UGT1A9: variants seen among roughly 807,000 people sequenced by gnomAD.
UGT1A9 encodes the protein UDP glucuronosyltransferase family 1 member A9, also known as UDP-glucuronosyltransferase 1A9.
UGT1A9 carries 35 observed loss-of-function variants against 45.0 expected under a neutral mutation model. The ratio of observed to expected loss-of-function variants is 0.78; its 90% CI spans 0.59 to 1.03. The LOEUF (loss-of-function observed/expected upper bound fraction) is 1.03. Among genes scored for constraint, UGT1A9 ranks in the 50% least tolerant of loss-of-function variants. UGT1A9 has a pLI of 0.00. For synonymous variants in UGT1A9, 278 were observed against 250.6 expected, an observed-to-expected ratio of 1.11 and a Z score of -1.03; for missense variants, 687 against 666.6, an observed-to-expected ratio of 1.03 and a Z score of -0.34.
rs139110841 is a variant in UGT1A9, at chr2:233,729,282, T to C, written c.856-37752T>C. 648 of 1,614,246 alleles carry C rather than the reference T, an allele frequency of 4.0e-4. 1 individual carries two copies. In the Middle Eastern group the frequency reaches 4.5e-3, roughly 11 times the overall value. ...TGCGGGAGGTCTTGCGGGAGCTCCA[T>C]GCCAGAGGCCACCAGGCAGTGGTCC... On this transcript the variant is annotated intron_variant, in intron 1 of 4. Transcript: ENST00000354728.
At chr2:233,755,155 T>C (rs921927491) in intron 1 of UGT1A9, 4 of 1,293,388 alleles carry the variant, frequency 3.1e-6, no homozygotes, top group Middle Eastern at 2.2e-4. Flanking sequence ...GCTTCCTCCC[T>C]GTCCTCGGGG....
At chr2:233,738,575 G>GGA (rs1690841736) in intron 1 of UGT1A9, among the ~76,000 whole-genome samples, 1 of 152,198 alleles carries the variant, frequency 6.6e-6, no homozygotes, top group African/African-American at 2.4e-5. Flanking sequence ...GTTGAGAACT[G>GGA]GAGCAAAGGT....
intron 1 of UGT1A9, chr2:233,748,083 G>T (rs1025205090): frequency 2.2e-5 from 36 of 1,612,854 alleles, no homozygotes; most frequent in Non-Finnish European, 2.8e-5. Context: ...ATCTCAGGTC[G>T]GTGTTCGTGC....
intron 2 of UGT1A9, 151 bp downstream of exon 2, chr2:233,767,316 TG>T: frequency 6.7e-7 from 1 of 1,493,284 alleles, no homozygotes; most frequent in Non-Finnish European, 8.8e-7. Flanking sequence ...TTTTTTTTGT[TG>T]TTGTGGTTGT....
chr2:233,675,310 G>A (rs781649686), intron 1 of UGT1A9, among the ~76,000 whole-genome samples: 1 of 152,178 alleles, frequency 6.6e-6, no homozygotes, highest in Non-Finnish European at 1.5e-5. Flanking sequence ...TAATGTGTGT[G>A]TGTTGATTAA....
rs1215128625 is a variant in UGT1A9, at chr2:233,769,761, G to A, written c.1295+1322G>A. ...TCCCAGCCACTCTGGAGGCTAAGGC[G>A]GGAGGATTGCTTGAGCCCAGAAGTT... is the stretch of plus-strand genomic sequence containing the variant. On this transcript the variant is annotated intron_variant, in intron 4 of 4. Transcript: ENST00000354728. This position sits in a 1 kb window ranked among gnomAD's most constrained non-coding sequence, Gnocchi z 4.4. The A allele has an allele frequency of 1.3e-5, 18 of 1,414,110 alleles. No homozygotes were observed. In the South Asian group the frequency reaches 1.6e-4, roughly 12 times the overall value. The allele number at this position is 1,414,110 out of a possible 1,614,324, so 87.6% of individuals were successfully genotyped here. A position where few individuals can be genotyped will look rare whatever the true frequency, so the allele number is the denominator to read the frequency against.
At chr2:233,754,618 C>T (rs1695535805) in intron 1 of UGT1A9, 1 of 438,776 alleles carries the variant, frequency 2.3e-6, no homozygotes, top group Admixed American at 2.6e-5. Context: ...CCATCTTCCT[C>T]CACTTCCACC....
intron 1 of UGT1A9, among the ~76,000 whole-genome samples, chr2:233,737,298 C>T (rs370830407): frequency 3.9e-5 from 6 of 152,366 alleles, no homozygotes; most frequent in South Asian, 4.1e-4. Context: ...TGCCGCCTCA[C>T]AGTTCAATCT....
intron 1 of UGT1A9, among the ~76,000 whole-genome samples, chr2:233,712,747 C>CA (rs2076252881): frequency 6.6e-6 from 1 of 152,002 alleles, no homozygotes; most frequent in African/African-American, 2.4e-5. Context: ...TTGGATGTTC[C>CA]CCAGAGCGAG....
chr2:233,738,398 A>G (rs1690780293), intron 1 of UGT1A9, among the ~76,000 whole-genome samples: 1 of 152,236 alleles, frequency 6.6e-6, no homozygotes, highest in African/African-American at 2.4e-5. Context: ...AGTGACTTGG[A>G]ACTGGGTAAC....
chr2:233,718,076 T>C (rs2076626842), intron 1 of UGT1A9: 1 of 344,040 alleles, frequency 2.9e-6, no homozygotes, highest in Admixed American at 3.7e-5. Context: ...CTTGCTAGGG[T>C]TGTCTTGCCC....
At position 233,743,856 on chromosome 2, in the gene UGT1A9, T is replaced by C. The variant is rs764670005; in HGVS notation, c.856-23178T>C. The stretch of plus-strand genomic sequence containing the variant: ...TTGAGCGCCAGCTTGCGGTACGCCT[T>C]CTTGATGGCCTCGGATGAGGCCTGC... On this transcript the variant is annotated intron_variant, in intron 1 of 4. Transcript: ENST00000354728. The C allele has an allele frequency of 2.9e-6, 4 of 1,367,240 alleles. No homozygotes were observed. The East Asian group carries it at 1.4e-4, about 47-fold the overall frequency. The allele number at this position is 1,367,240 out of a possible 1,614,324, so 84.7% of individuals were successfully genotyped here.
At position 233,758,069 on chromosome 2, in the gene UGT1A9, G is replaced by A. The variant is rs148016926; in HGVS notation, c.856-8965G>A. Among the ~76,000 whole-genome samples, 50 of 152,242 alleles carry A rather than the reference G, an allele frequency of 3.3e-4. No individual in the cohort carries two copies. In the East Asian group the frequency reaches 8.9e-3, roughly 27 times the overall value. ...AGGACCATTTCTAACTTGACTTTCT[G>A]GGCCTAGTTCCTAGCATAGTGACTG... On this transcript the variant is annotated intron_variant, in intron 1 of 4. Transcript: ENST00000354728.
chr2:233,699,621 C>A (rs1403049874), intron 1 of UGT1A9, among the ~76,000 whole-genome samples: 1 of 152,202 alleles, frequency 6.6e-6, no homozygotes, highest in Non-Finnish European at 1.5e-5. Context: ...GAATAGAATG[C>A]AAGCTCAGGC....
intron 1 of UGT1A9, chr2:233,743,466 A>C (rs1692304653): frequency 7.3e-7 from 1 of 1,366,560 alleles, no homozygotes; most frequent in South Asian, 1.1e-5. Flanking sequence ...AAACACCCCC[A>C]AAAGCTGGAA....
In UGT1A9 at chr2:233,767,858, C is replaced by CGGTA. The variant is rs778473109; in HGVS notation, c.998_1001dup (p.Tyr334Ter). On this transcript the variant is annotated stop_gained and frameshift_variant, in exon 3 of 5. Transcript: ENST00000354728. LOFTEE classifies it high-confidence loss of function. ...TTTTTGCCCCTCCCAGGTCCTGTGGCGGTACACTGGAACCCGACCATCGAA... is the reference window on the plus strand; with the variant it reads ...TTTTTGCCCCTCCCAGGTCCTGTGGCGGTAGGTACACTGGAACCCGACCATCGAA... 3 of 1,614,120 alleles carry CGGTA rather than the reference C, an allele frequency of 1.9e-6. No homozygotes were observed. The highest frequency in any genetic ancestry group is 2.5e-6 in the Non-Finnish European group (3 of 1,180,018).
chr2:233,767,203 C>T, intron 2 of UGT1A9, 38 bp downstream of exon 2: 1 of 1,613,332 alleles, frequency 6.2e-7, no homozygotes, highest in African/African-American at 1.3e-5. Flanking sequence ...TATCTATTTT[C>T]ACAGGAGCGC....
intron 1 of UGT1A9, chr2:233,729,441 T>C: frequency 3.1e-6 from 5 of 1,613,982 alleles, no homozygotes; most frequent in Non-Finnish European, 4.2e-6. Flanking sequence ...AAACAGAACA[T>C]TTTCTGAAGA....
chr2:233,763,174 C>A (rs528142938), intron 1 of UGT1A9, among the ~76,000 whole-genome samples: 1 of 152,302 alleles, frequency 6.6e-6, no homozygotes, highest in East Asian at 1.9e-4. Context: ...GTGTTGACTA[C>A]ATATTTGTTG....
Sources: allele counts gnomAD v4.1 joint callset (sites outside exome capture counted in the v4.1 genomes callset), GRCh38; gene constraint gnomAD v4.1.1; non-coding constraint Gnocchi (gnomAD v3.1); transcripts MANE v1.5; gene names NCBI Gene and HGNC (gene_info 2026-07-23, HGNC 2026-07-21).